NTRK3: variants seen among roughly 807,000 people sequenced by gnomAD.
NTRK3 encodes the protein neurotrophic receptor tyrosine kinase 3.
NTRK3 carries 24 observed loss-of-function variants against 91.7 expected under a neutral mutation model. The observed-to-expected ratio is 0.26, with a 90% CI of 0.19 to 0.37. The LOEUF (loss-of-function observed/expected upper bound fraction) is 0.37, where lower values mean the gene tolerates loss of function less well. Among genes scored for constraint, NTRK3 ranks in the 10% least tolerant of loss-of-function variants. The pLI is 1.00. For missense variants in NTRK3, 880 were observed against 1,068.9 expected, an observed-to-expected ratio of 0.82 and a Z score of 2.46; for synonymous variants, 483 against 404.0, an observed-to-expected ratio of 1.20 and a Z score of -2.34.
At position 88,094,135 on chromosome 15, in the gene NTRK3, C is replaced by A. The variant is rs554517735; in HGVS notation, c.1396+32136G>T. ...GTGGAAGGGGCTCTTCTTGCTGCAG[C>A]CTTTGGAAGAAGTGGGCTGCAGGAA... On this transcript the variant is annotated intron_variant, in intron 13 of 18. Transcript: ENST00000394480. Among the ~76,000 whole-genome samples, 4 of 152,162 alleles carry A rather than the reference C, an allele frequency of 2.6e-5. No individual in the cohort carries two copies. The East Asian group carries it at 7.8e-4, about 30-fold the overall frequency.
At chr15:88,086,518 T>TTTTTTTTTTTTTTTTTTG (rs1567368944) in intron 13 of NTRK3, among the ~76,000 whole-genome samples, 1 of 144,496 alleles carries the variant, frequency 6.9e-6, no homozygotes, top group African/African-American at 2.9e-5. Context: ...TTTTATTTTT[T>TTTTTTTTTTTTTTTTTTG]AAAAACATGG....
chr15:88,224,452 C>T (rs569404057), intron 3 of NTRK3, among the ~76,000 whole-genome samples: 8 of 152,348 alleles, frequency 5.3e-5, no homozygotes, highest in African/African-American at 1.9e-4. Context: ...CTCTCTCCTT[C>T]ACCTCCCAGC....
At chr15:88,184,365 A>G (rs2046779900) in intron 3 of NTRK3, 66 bp from the exon 4 acceptor site, 2 of 1,485,874 alleles carry the variant, frequency 1.3e-6, no homozygotes, top group African/African-American at 2.8e-5. Context: ...CTTTGGAGCC[A>G]CAGAGACCTG....
chr15:88,018,160 C>G (rs1379026879), intron 14 of NTRK3, among the ~76,000 whole-genome samples: 1 of 152,234 alleles, frequency 6.6e-6, no homozygotes, highest in Non-Finnish European at 1.5e-5. Flanking sequence ...CAATGCCCAT[C>G]TCTAGCTGGA....
chr15:88,226,250 G>A (rs2050667181), intron 3 of NTRK3, among the ~76,000 whole-genome samples: 1 of 152,144 alleles, frequency 6.6e-6, no homozygotes, highest in African/African-American at 2.4e-5. Context: ...CCCTTCCATG[G>A]GTTCCTCTCC....
chr15:87,982,864 C>T (rs2074410773), intron 14 of NTRK3, among the ~76,000 whole-genome samples: 1 of 147,770 alleles, frequency 6.8e-6, no homozygotes, highest in Non-Finnish European at 1.5e-5. Context: ...GGTTTCACCC[C>T]TGTGCTCTGG....
chr15:88,019,269 G>A (rs369156011), intron 14 of NTRK3, among the ~76,000 whole-genome samples: 25 of 152,320 alleles, frequency 1.6e-4, no homozygotes, highest in African/African-American at 6.0e-4. Context: ...TCCTAGAGGA[G>A]CAGGATGACA....
At chr15:88,179,342 G>C (rs1232727224) in intron 5 of NTRK3, among the ~76,000 whole-genome samples, 4 of 152,224 alleles carry the variant, frequency 2.6e-5, no homozygotes, top group Non-Finnish European at 4.4e-5. Context: ...CCTGGAAAGA[G>C]AATCAGAGGA....
chr15:88,187,231 G>A (rs1006640391), intron 3 of NTRK3, among the ~76,000 whole-genome samples: 3 of 152,184 alleles, frequency 2.0e-5, no homozygotes, highest in Admixed American at 1.3e-4. Context: ...AAGGAAACCT[G>A]TCATTCATGG....
chr15:88,067,489 T>C (rs577315520), intron 13 of NTRK3, among the ~76,000 whole-genome samples: 1 of 152,222 alleles, frequency 6.6e-6, no homozygotes, highest in Non-Finnish European at 1.5e-5. Flanking sequence ...CCCAGGGGGA[T>C]GGGTTTTGCC....
chr15:88,131,982 A>G, intron 10 of NTRK3: 1 of 202,968 alleles, frequency 4.9e-6, no homozygotes, highest in Non-Finnish European at 1.0e-5. Context: ...TGAAGGGAAT[A>G]CACATGTCTC....
In NTRK3 at chr15:88,255,997, G is replaced by C. The variant is rs753434646; in HGVS notation, c.157C>G (p.Leu53Val). 2 of 1,613,550 alleles carry C rather than the reference G, an allele frequency of 1.2e-6. No individual in the cohort carries two copies. The highest frequency in any genetic ancestry group is 1.3e-5 in the African/African-American group (1 of 74,832). Residue 53 changes from leucine (L) to valine (V), a missense_variant, in exon 3 of 19, where the codon CTC becomes GTC. This residue lies in a region of NTRK3 where 743 missense variants were observed against 868.6 expected (regional missense o/e 0.86). Transcript: ENST00000394480. The surrounding 1 kb of genome is among the most constrained non-coding windows in gnomAD (Gnocchi z 4.3). Reference sequence around the variant, plus strand: ...TCCTGCCCTTCCAGGAGGGGGAAGAGGTTCCCATCGTCCGGCCGCCGGCAA... The same window carrying C: ...TCCTGCCCTTCCAGGAGGGGGAAGACGTTCCCATCGTCCGGCCGCCGGCAA...
chr15:87,994,363 T>G (rs1047957826), intron 14 of NTRK3, among the ~76,000 whole-genome samples: 2 of 152,210 alleles, frequency 1.3e-5, no homozygotes, highest in African/African-American at 4.8e-5. Flanking sequence ...TAATCCAATA[T>G]TACTACGTCC....
chr15:88,125,372 T>A (rs1268403392), intron 13 of NTRK3, among the ~76,000 whole-genome samples: 1 of 152,078 alleles, frequency 6.6e-6, no homozygotes, highest in Non-Finnish European at 1.5e-5. Context: ...AGAGAATCCA[T>A]AGAAATTCAT....
chr15:88,025,295 T>A (rs1432937966), intron 14 of NTRK3, among the ~76,000 whole-genome samples: 2 of 152,232 alleles, frequency 1.3e-5, no homozygotes, highest in African/African-American at 4.8e-5. Context: ...AAAACTTATT[T>A]CCACACAAAA....
At chr15:87,862,887 C>T in exon 19 of NTRK3, 1 of 230,952 alleles carries the variant, frequency 4.3e-6, no homozygotes, top group Non-Finnish European at 8.6e-6. Flanking sequence ...TCACTGGGAC[C>T]TTTTCTGTCC....
In NTRK3 at chr15:88,234,878, G is replaced by A. The variant is rs1484825873; in HGVS notation, c.248+21028C>T. Among the ~76,000 whole-genome samples, 3 of 152,002 alleles carry A rather than the reference G, an allele frequency of 2.0e-5. No homozygotes were observed. Among genetic ancestry groups the A allele is most frequent in the Admixed American group, 6.5e-5 (1 of 15,268 alleles). ...CACTCCCACCAGCGCACCCTACTCA[G>A]CCCTGCTCCCAGGGCCTCCTATCCA... On this transcript the variant is annotated intron_variant, in intron 3 of 18. Coordinates refer to ENST00000394480, the Ensembl canonical transcript of NTRK3. The surrounding 1 kb of genome is among the most constrained non-coding windows in gnomAD (Gnocchi z 6.1).
chr15:88,247,000 G>A (rs2052897359), intron 3 of NTRK3, among the ~76,000 whole-genome samples: 1 of 152,204 alleles, frequency 6.6e-6, no homozygotes, highest in Non-Finnish European at 1.5e-5. Context: ...GCCCTCTGGT[G>A]GCCACCAGGA....
intron 14 of NTRK3, among the ~76,000 whole-genome samples, chr15:87,997,899 G>A (rs1482783736): frequency 6.6e-6 from 1 of 152,166 alleles, no homozygotes; most frequent in East Asian, 1.9e-4. Context: ...TGGGACAGGG[G>A]AGAGTCACTG....
Sources: allele counts gnomAD v4.1 joint callset (sites outside exome capture counted in the v4.1 genomes callset), GRCh38; gene constraint gnomAD v4.1.1; regional missense constraint gnomAD v4.1.1; non-coding constraint Gnocchi (gnomAD v3.1); transcripts MANE v1.5; gene names NCBI Gene and HGNC (gene_info 2026-07-23, HGNC 2026-07-21).